The following SVEP1 variants were observed in gnomAD, a reference collection of about 807,000 sequenced individuals.
SVEP1 encodes sushi, von Willebrand factor type A, EGF and pentraxin domain containing 1.
Under a neutral mutation model 367.3 loss-of-function variants are expected in SVEP1, and 164 were observed. The observed-to-expected ratio is 0.45, with a 90% CI of 0.39 to 0.51. SVEP1 has a LOEUF of 0.51. SVEP1 is among the 20% of genes least tolerant of loss of function. The pLI is 0.00. For missense variants in SVEP1, 4,117 were observed against 4,425.3 expected, an observed-to-expected ratio of 0.93 and a Z score of 1.98; for synonymous variants, 1,666 against 1,611.6, an observed-to-expected ratio of 1.03 and a Z score of -0.81.
intron 14 of SVEP1, 130 bp from the exon 15 acceptor site, chr9:110,472,453 A>G: frequency 1.2e-6 from 1 of 827,358 alleles, no homozygotes; most frequent in Non-Finnish European, 1.8e-6. Flanking sequence ...TACTGCATAC[A>G]GGGTTTGGTC....
chr9:110,484,461 T>G (rs1829246563), intron 9 of SVEP1, among the ~76,000 whole-genome samples: 1 of 152,114 alleles, frequency 6.6e-6, no homozygotes, highest in Non-Finnish European at 1.5e-5. Context: ...GTGGTGGAGT[T>G]TTTAGGATGT....
At chr9:110,426,968 A>T (rs780315202) in intron 36 of SVEP1, among the ~76,000 whole-genome samples, 1 of 152,164 alleles carries the variant, frequency 6.6e-6, no homozygotes, top group Non-Finnish European at 1.5e-5. Context: ...GTTTTGCAGA[A>T]TATAAATACA....
chr9:110,543,201 C>T (rs1033880654), intron 3 of SVEP1, among the ~76,000 whole-genome samples: 1 of 152,098 alleles, frequency 6.6e-6, no homozygotes, highest in Non-Finnish European at 1.5e-5. Flanking sequence ...AAGACAGAGG[C>T]ACCTCTTGGA....
chr9:110,485,726 G>A (rs1299069128), intron 9 of SVEP1, among the ~76,000 whole-genome samples: 1 of 152,190 alleles, frequency 6.6e-6, no homozygotes, highest in Admixed American at 6.6e-5. Context: ...TTTTGTAGGT[G>A]AGGAATGTTA....
chr9:110,483,481 A>C, intron 10 of SVEP1, 105 bp downstream of exon 10: 1 of 605,214 alleles, frequency 1.7e-6, no homozygotes, highest in Admixed American at 3.4e-5. Flanking sequence ...CATTCTCCCT[A>C]GACAGTTGTT....
In SVEP1 at chr9:110,545,977, C is replaced by CAAATAAA. The variant is rs1830215509; in HGVS notation, c.964+137_964+138insTTTATTT. The CAAATAAA allele has an allele frequency of 6.4e-6, 7 of 1,094,754 alleles. No individual in the cohort carries two copies. In the South Asian group the frequency reaches 1.1e-4, roughly 18 times the overall value. The allele number at this position is 1,094,754 out of a possible 1,614,324, so 67.8% of individuals were successfully genotyped here. A position where few individuals can be genotyped will look rare whatever the true frequency, so the allele number is the denominator to read the frequency against. On this transcript the variant is annotated intron_variant, in intron 3 of 47. Coordinates refer to ENST00000374469, the MANE Select transcript of SVEP1 (RefSeq NM_153366.4). ...ATGGCAAATAAATGAGTCAGCACAG[C>CAAATAAA]TGAAGCCCCAAAGAGATGTGCCACT...
At chr9:110,511,745 C>T (rs1829719312) in intron 5 of SVEP1, among the ~76,000 whole-genome samples, 1 of 151,830 alleles carries the variant, frequency 6.6e-6, no homozygotes, top group Non-Finnish European at 1.5e-5. Context: ...GTATTGGTAC[C>T]TAATAAATTG....
At position 110,408,167 on chromosome 9, in the gene SVEP1, G is replaced by C. The variant is rs774715045; in HGVS notation, c.7433C>G (p.Thr2478Ser). ...PGFELVGNTTTLCGENGHWLG... is the reference protein window; with the variant it reads ...PGFELVGNTTSLCGENGHWLG... ...CCAGTGACCATTTTCTCCACAAAGG[G>C]TGGTAGTATTTCCCACCAATTCAAA... is the stretch of plus-strand genomic sequence containing the variant. Residue 2478 changes from threonine to serine, a missense_variant, in exon 38 of 48, where the codon ACC becomes AGC. Physicochemically the swap from Thr to Ser is moderately conservative, Grantham distance 58. Around this residue, in one of 4 missense-constraint regions of SVEP1, gnomAD observed 1,765 missense variants for 1,781.1 expected, o/e 0.99. Coordinates refer to ENST00000374469, the MANE Select transcript of SVEP1 (RefSeq NM_153366.4). The C allele has an allele frequency of 2.0e-5, 32 of 1,613,830 alleles. No individual in the cohort carries two copies. The highest frequency in any genetic ancestry group is 2.5e-5 in the Non-Finnish European group (30 of 1,179,878).
At chr9:110,377,090 G>A in intron 45 of SVEP1, 181 bp downstream of exon 45, 1 of 469,494 alleles carries the variant, frequency 2.1e-6, no homozygotes, top group Non-Finnish European at 3.7e-6. Flanking sequence ...TATTTTCAAA[G>A]TCATTAATAT....
chr9:110,455,331 C>T lies in SVEP1; in HGVS notation c.3787+259G>A, dbSNP rs536077730. Among the ~76,000 whole-genome samples, 7 of 152,326 alleles carry T rather than the reference C, an allele frequency of 4.6e-5. No individual in the cohort carries two copies. The South Asian group carries it at 6.2e-4, about 14-fold the overall frequency. ...GTCTTGTCCAAGGTCACACATCTAG[C>T]TGGCAAAGATGGGAACACGCCTGCT... On this transcript the variant is annotated intron_variant, in intron 22 of 47. Transcript: ENST00000374469.
chr9:110,430,920 G>T (rs940858234), intron 32 of SVEP1, among the ~76,000 whole-genome samples: 5 of 152,270 alleles, frequency 3.3e-5, no homozygotes, highest in Middle Eastern at 6.8e-3. Context: ...CAGATTCAGG[G>T]TCGGTCTCCA....
Position 110,471,536 on chromosome 9 carries a change from G to A in SVEP1, c.2826C>T (p.Leu942=). 1.2e-6 allele frequency: 2 copies of A among 1,613,936 alleles called. No individual in the cohort carries two copies. The highest frequency in any genetic ancestry group is 1.7e-6 in the Non-Finnish European group (2 of 1,179,874). The change falls in exon 16 of 48, where the codon CTC becomes CTT. Residue 942 remains leucine (L), a synonymous_variant. Coordinates refer to ENST00000374469, the MANE Select transcript of SVEP1 (RefSeq NM_153366.4). ...DTLEWENQQR[L]LQTLETITNK... ...TTGTGATAGTTTCCAATGTCTGAAG[G>A]AGTCGTTGCTGATTTTCCCATTCAA...
intron 1 of SVEP1, among the ~76,000 whole-genome samples, chr9:110,567,253 C>T (rs997490942): frequency 1.3e-5 from 2 of 152,264 alleles, no homozygotes; most frequent in Non-Finnish European, 2.9e-5. Context: ...AGACAACAAA[C>T]ACCACAAGAG....
At chr9:110,374,358 TA>T (rs1041315589) in intron 46 of SVEP1, among the ~76,000 whole-genome samples, 3 of 151,920 alleles carry the variant, frequency 2.0e-5, no homozygotes, top group Non-Finnish European at 4.4e-5. Context: ...TACTAAAAAG[TA>T]AAAAAATAGG....
intron 2 of SVEP1, among the ~76,000 whole-genome samples, chr9:110,547,692 G>GTC (rs1278222635): frequency 2.6e-5 from 4 of 152,178 alleles, no homozygotes; most frequent in Admixed American, 2.6e-4. Context: ...CTATTATTCT[G>GTC]TAACCTATGT....
chr9:110,390,243 ATATATACT>A (rs1301888132), intron 40 of SVEP1, among the ~76,000 whole-genome samples: 1 of 125,160 alleles, frequency 8.0e-6, no homozygotes, highest in East Asian at 2.2e-4. Flanking sequence ...AAGTATGTGT[ATATATACT>A]TATATAAGTA....
chr9:110,578,954 A>G lies in SVEP1; in HGVS notation c.531+59T>C. 3 of 1,518,226 alleles carry G rather than the reference A, an allele frequency of 2.0e-6. No homozygotes were observed. The South Asian group carries it at 3.7e-5, about 19-fold the overall frequency. The allele number at this position is 1,518,226 out of a possible 1,614,324, so 94.0% of individuals were successfully genotyped here. On this transcript the variant is annotated intron_variant, in intron 1 of 47. Coordinates refer to ENST00000374469, the MANE Select transcript of SVEP1 (RefSeq NM_153366.4). ...AACCCCGGGATAGAGACGGGCAGGC[A>G]GCGGTGGGTCGAAGGGCCCGGGGAC...
chr9:110,368,883 T>G (rs1327533), intron 47 of SVEP1, among the ~76,000 whole-genome samples: 12,797 of 151,716 alleles, frequency 0.084, 630 homozygotes, highest in African/African-American at 0.14. Context: ...GACAGATTTT[T>G]TTGTTGTTGT....
chr9:110,484,519 G>A (rs1829246882), intron 9 of SVEP1, among the ~76,000 whole-genome samples: 1 of 152,126 alleles, frequency 6.6e-6, no homozygotes, highest in Admixed American at 6.6e-5. Flanking sequence ...ATACCATTCA[G>A]GACATAGGCA....
Sources: allele counts gnomAD v4.1 joint callset (sites outside exome capture counted in the v4.1 genomes callset), GRCh38; gene constraint gnomAD v4.1.1; regional missense constraint gnomAD v4.1.1; transcripts MANE v1.5; gene names NCBI Gene and HGNC (gene_info 2026-07-23, HGNC 2026-07-21).